Variants in SUMF1 observed in about 807,000 individuals in gnomAD.
The protein encoded by SUMF1 is sulfatase modifying factor 1.
SUMF1 carries 48 observed loss-of-function variants against 47.6 expected under a neutral mutation model. The ratio of observed to expected loss-of-function variants is 1.01; its 90% CI spans 0.80 to 1.28. SUMF1 has a LOEUF of 1.28. SUMF1 is among the 50% of genes most tolerant of loss of function. The probability of loss-of-function intolerance (pLI) is 0.00; values close to 1 mark genes in which losing one functional copy is unlikely to be tolerated. For synonymous variants in SUMF1, 230 were observed against 192.1 expected (o/e 1.20, Z -1.63); for missense variants, 571 against 485.4 (o/e 1.18, Z -1.66).
rs145902498 is a variant in SUMF1, at chr3:4,186,013, T to C, written c.1015-117268A>G. On this transcript the variant is annotated intron_variant and NMD_transcript_variant, in intron 8 of 12. Transcript: ENST00000448413. ...TCACTTTGACCTAAGATCCTTTACTTTTCCCTTTCCTATGGACAGTATCTT... is the reference window on the plus strand; with the variant it reads ...TCACTTTGACCTAAGATCCTTTACTCTTCCCTTTCCTATGGACAGTATCTT... 3.6e-3 allele frequency among the ~76,000 whole-genome samples: 552 copies of C among 152,278 alleles called. 2 individuals are homozygous for C. The highest frequency in any genetic ancestry group is 0.012 in the African/African-American group (514 of 41,572).
At chr3:4,130,495 C>A (rs901631499) in intron 8 of SUMF1, among the ~76,000 whole-genome samples, 1 of 152,164 alleles carries the variant, frequency 6.6e-6, no homozygotes, top group African/African-American at 2.4e-5. Context: ...GACCATTACA[C>A]TGATGACATT....
rs577726768 is a variant in SUMF1, at chr3:4,411,894, T to G, written c.841-916A>C. Among the ~76,000 whole-genome samples, 5 of 152,316 alleles carry G rather than the reference T, an allele frequency of 3.3e-5. No homozygotes were observed. The South Asian group carries it at 1.0e-3, about 32-fold the overall frequency. On this transcript the variant is annotated intron_variant, in intron 6 of 8. Transcript: ENST00000272902. ...CCTTGGGGGTTTAAAAATCTTTTTG[T>G]AAATCCATGCTTTTTCCAGACTAAA...
rs1693135924 is a variant in SUMF1 at position 4,105,424 on chromosome 3, G to A, written c.1015-36679C>T. Reference sequence around the variant, plus strand: ...TGCAGTGAGCCTGACTAACACAGGTGATAAGTTTGTGAATTAGAATAGTGA... The same window carrying A: ...TGCAGTGAGCCTGACTAACACAGGTAATAAGTTTGTGAATTAGAATAGTGA... On this transcript the variant is annotated intron_variant and NMD_transcript_variant, in intron 8 of 12. Coordinates refer to the SUMF1 transcript ENST00000448413. Among the ~76,000 whole-genome samples, 3 of 152,108 alleles carry A rather than the reference G, an allele frequency of 2.0e-5. No individual in the cohort carries two copies. In the South Asian group the frequency reaches 6.2e-4, roughly 32 times the overall value.
intron 1 of SUMF1, among the ~76,000 whole-genome samples, chr3:4,463,931 C>A (rs1246341945): frequency 6.6e-6 from 1 of 152,154 alleles, no homozygotes; most frequent in Non-Finnish European, 1.5e-5. Context: ...TTTTAAACAT[C>A]TATATTGTTT....
intron 9 of SUMF1, among the ~76,000 whole-genome samples, chr3:4,035,058 C>T (rs531997101): frequency 1.3e-5 from 2 of 152,124 alleles, no homozygotes; most frequent in South Asian, 4.2e-4. Context: ...GTCAGAAAAT[C>T]AGTCCAGCTG....
chr3:4,254,232 C>A (rs1218221884), intron 8 of SUMF1, among the ~76,000 whole-genome samples: 1 of 151,994 alleles, frequency 6.6e-6, no homozygotes, highest in East Asian at 1.9e-4. Context: ...GAACACAGTT[C>A]CTCAACAGCA....
chr3:4,444,921 GAGC>G (rs1453834022), intron 3 of SUMF1, among the ~76,000 whole-genome samples: 5 of 152,160 alleles, frequency 3.3e-5, no homozygotes, highest in Non-Finnish European at 5.9e-5. Context: ...GTAGGGGAGG[GAGC>G]AGATCTTGGC....
downstream of SUMF1, among the ~76,000 whole-genome samples, chr3:4,357,469 T>A (rs536712879): frequency 6.6e-6 from 1 of 151,964 alleles, no homozygotes; most frequent in African/African-American, 2.4e-5. Flanking sequence ...ATTTCAGTCA[T>A]TATTTTTTGT....
chr3:4,170,970 T>G (rs1694820674), intron 8 of SUMF1, among the ~76,000 whole-genome samples: 1 of 152,186 alleles, frequency 6.6e-6, no homozygotes, highest in Admixed American at 6.5e-5. Flanking sequence ...TTGAAGAAGG[T>G]GGCAATGTAG....
chr3:4,403,279 ATCCACTAACCAAAC>A (rs1575179593), intron 7 of SUMF1, among the ~76,000 whole-genome samples: 1 of 152,242 alleles, frequency 6.6e-6, no homozygotes, highest in African/African-American at 2.4e-5. Context: ...CCTGATTGGC[ATCCACTAACCAAAC>A]TCTTAACTGC....
chr3:4,196,041 A>G (rs1306770107), intron 8 of SUMF1, among the ~76,000 whole-genome samples: 1 of 152,130 alleles, frequency 6.6e-6, no homozygotes, highest in East Asian at 1.9e-4. Flanking sequence ...AAAGCACTAT[A>G]TGATTAAATG....
intron 9 of SUMF1, among the ~76,000 whole-genome samples, chr3:4,062,891 C>T (rs1695299037): frequency 6.6e-6 from 1 of 152,040 alleles, no homozygotes; most frequent in Admixed American, 6.6e-5. Flanking sequence ...ATTCTAAATT[C>T]CTCAAATAAG....
At chr3:4,251,579 A>C (rs1406691096) in intron 8 of SUMF1, among the ~76,000 whole-genome samples, 1 of 152,210 alleles carries the variant, frequency 6.6e-6, no homozygotes, top group Non-Finnish European at 1.5e-5. Flanking sequence ...GGCAAGCTTC[A>C]TTGTTGTCTT....
At chr3:4,449,190 G>T in intron 3 of SUMF1, 76 bp downstream of exon 3, 1 of 1,482,688 alleles carries the variant, frequency 6.7e-7, no homozygotes, top group Non-Finnish European at 9.4e-7. Flanking sequence ...GGTGACACAT[G>T]TGGTTTGGAT....
intron 8 of SUMF1, chr3:4,314,054 C>G: frequency 2.0e-6 from 1 of 504,512 alleles, no homozygotes. Flanking sequence ...CCTTCACCTC[C>G]TCTTTCTTCC....
chr3:4,461,076 A>G (rs956164197), intron 1 of SUMF1, among the ~76,000 whole-genome samples: 2 of 152,210 alleles, frequency 1.3e-5, no homozygotes, highest in Non-Finnish European at 2.9e-5. Context: ...CAGCAGACAC[A>G]AAAATCTTTA....
chr3:4,351,954 C>T (rs1429247229), intron 8 of SUMF1, among the ~76,000 whole-genome samples: 6 of 152,172 alleles, frequency 3.9e-5, no homozygotes, highest in African/African-American at 1.4e-4. Flanking sequence ...GATTTAGTAA[C>T]TTGTCCAAAG....
rs186215020 is a variant in SUMF1, at chr3:4,269,411, T to C, written c.1014+106919A>G. Among the ~76,000 whole-genome samples the C allele has an allele frequency of 9.3e-4, 141 of 152,318 alleles. 1 individual carries two copies. Among genetic ancestry groups the C allele is most frequent in the Admixed American group, 5.4e-3 (83 of 15,292 alleles). ...GCAACACAAACTTACCAAAGGCCTA[T>C]AATAGCATTCCAATTTTTTAAACCT... On this transcript the variant is annotated intron_variant and NMD_transcript_variant, in intron 8 of 12. Coordinates refer to the SUMF1 transcript ENST00000448413.
At chr3:4,164,567 C>G (rs1050147711) in intron 8 of SUMF1, among the ~76,000 whole-genome samples, 2 of 152,180 alleles carry the variant, frequency 1.3e-5, no homozygotes, top group Non-Finnish European at 2.9e-5. Context: ...ACAATGATAA[C>G]AAGCCCTACC....
Sources: allele counts gnomAD v4.1 joint callset (sites outside exome capture counted in the v4.1 genomes callset), GRCh38; gene constraint gnomAD v4.1.1; transcripts MANE v1.5; gene names NCBI Gene and HGNC (gene_info 2026-07-23, HGNC 2026-07-21).